The following PTPRG variants were observed in gnomAD, a reference collection of about 807,000 sequenced individuals.
PTPRG encodes the protein receptor-type tyrosine-protein phosphatase gamma.
In PTPRG, 102 loss-of-function variants were observed where a neutral mutation model predicts 165.3. The ratio of observed to expected loss-of-function variants is 0.62; its 90% CI spans 0.53 to 0.73. The LOEUF (loss-of-function observed/expected upper bound fraction) is 0.73. Ranked by LOEUF, PTPRG falls within the 30% of genes least tolerant of loss-of-function variation. PTPRG has a pLI of 0.00. For synonymous variants in PTPRG, 675 were observed against 669.5 expected (o/e 1.01, Z -0.13); for missense variants, 1,866 against 1,861.4 (o/e 1.00, Z -0.05).
At chr3:61,946,501 C>T (rs1575812732) in intron 2 of PTPRG, among the ~76,000 whole-genome samples, 1 of 152,130 alleles carries the variant, frequency 6.6e-6, no homozygotes, top group African/African-American at 2.4e-5. Flanking sequence ...CTTCTGTGGG[C>T]CTGTTTGATA....
chr3:62,032,748 A>C (rs1005936943), intron 4 of PTPRG, among the ~76,000 whole-genome samples: 1 of 152,154 alleles, frequency 6.6e-6, no homozygotes, highest in South Asian at 2.1e-4. Flanking sequence ...GTAGCTTTGG[A>C]TCTAAATATA....
chr3:61,627,225 T>C (rs922782672), intron 1 of PTPRG, among the ~76,000 whole-genome samples: 1 of 152,164 alleles, frequency 6.6e-6, no homozygotes, highest in Non-Finnish European at 1.5e-5. Context: ...AGAGTCCGTA[T>C]CTTTTAGTGA....
intron 1 of PTPRG, among the ~76,000 whole-genome samples, chr3:61,630,377 AC>A (rs1701741199): frequency 6.6e-6 from 1 of 152,244 alleles, no homozygotes; most frequent in Non-Finnish European, 1.5e-5. Flanking sequence ...TATGGAAGTT[AC>A]ATAGAAATAA....
intron 3 of PTPRG, among the ~76,000 whole-genome samples, chr3:61,991,967 G>C (rs534331032): frequency 6.6e-6 from 1 of 152,274 alleles, no homozygotes; most frequent in African/African-American, 2.4e-5. Flanking sequence ...GCTTCCTAGA[G>C]TGATCCACAA....
chr3:61,903,076 T>C (rs961114606), intron 2 of PTPRG, among the ~76,000 whole-genome samples: 3 of 152,140 alleles, frequency 2.0e-5, no homozygotes, highest in African/African-American at 7.2e-5. Flanking sequence ...CTGTGTACCT[T>C]ACACTCTGTC....
intron 1 of PTPRG, among the ~76,000 whole-genome samples, chr3:61,568,565 A>C (rs1456158930): frequency 6.6e-6 from 1 of 152,230 alleles, no homozygotes; most frequent in Admixed American, 6.5e-5. Context: ...TGCTGGATCT[A>C]TGCAGGCCTA....
chr3:62,233,230 C>A lies in PTPRG; in HGVS notation c.2375+1919C>A, dbSNP rs536990640. Among the ~76,000 whole-genome samples, 89 of 152,268 alleles carry A rather than the reference C, an allele frequency of 5.8e-4. No individual in the cohort carries two copies. The highest frequency in any genetic ancestry group is 1.9e-3 in the African/African-American group (80 of 41,544). Reference sequence around the variant, plus strand: ...ACAGCTACATGTGCTATGCTAAGTACTCCATGAAAACGATATGGGCCAGAT... The same window carrying A: ...ACAGCTACATGTGCTATGCTAAGTAATCCATGAAAACGATATGGGCCAGAT... On this transcript the variant is annotated intron_variant, in intron 14 of 29. Coordinates refer to ENST00000474889, the MANE Select transcript of PTPRG (RefSeq NM_002841.4). The surrounding 1 kb of genome is among the most constrained non-coding windows in gnomAD (Gnocchi z 4.7).
chr3:61,579,389 T>C (rs2106792467), intron 1 of PTPRG, among the ~76,000 whole-genome samples: 2 of 152,326 alleles, frequency 1.3e-5, no homozygotes, highest in South Asian at 4.1e-4. Flanking sequence ...GAGGGCATCC[T>C]GAAATTCTGC....
rs144309631 is a variant in PTPRG, at chr3:61,907,702, T to A, written c.191-81923T>A. ...ACGATTGGCCTGGAAGAATTCTTGG[T>A]TGCTTTGATCTTATCTGAAATCGGA... On this transcript the variant is annotated intron_variant, in intron 2 of 29. Transcript: ENST00000474889. Among the ~76,000 whole-genome samples the A allele has an allele frequency of 1.1e-4, 16 of 152,300 alleles. 1 individual carries two copies. In the East Asian group the frequency reaches 3.1e-3, roughly 29 times the overall value.
intron 7 of PTPRG, among the ~76,000 whole-genome samples, chr3:62,158,430 A>G (rs1391217990): frequency 2.6e-5 from 4 of 152,198 alleles, no homozygotes; most frequent in African/African-American, 9.6e-5. Flanking sequence ...TTTCATAGAA[A>G]TGACCACCTC....
chr3:61,957,582 CA>C (rs932681341), intron 2 of PTPRG, among the ~76,000 whole-genome samples: 6 of 152,180 alleles, frequency 3.9e-5, no homozygotes, highest in Admixed American at 3.9e-4. Flanking sequence ...ACCACGGGAA[CA>C]ATTAGGTGAT....
intron 2 of PTPRG, among the ~76,000 whole-genome samples, chr3:61,836,183 G>GT (rs2036456269): frequency 6.6e-6 from 1 of 151,842 alleles, no homozygotes; most frequent in South Asian, 2.1e-4. Context: ...GGAATCACTG[G>GT]TAAGTCTTTA....
chr3:62,154,018 C>G (rs983947529), intron 6 of PTPRG, among the ~76,000 whole-genome samples: 2 of 152,178 alleles, frequency 1.3e-5, no homozygotes, highest in African/African-American at 4.8e-5. Context: ...TGTTTTTGAC[C>G]TTAGGTCTTT....
At chr3:61,838,102 A>G (rs1386130550) in intron 2 of PTPRG, among the ~76,000 whole-genome samples, 1 of 152,196 alleles carries the variant, frequency 6.6e-6, no homozygotes, top group Non-Finnish European at 1.5e-5. Flanking sequence ...CAACACCGGG[A>G]TGGTTAAACA....
intron 1 of PTPRG, among the ~76,000 whole-genome samples, chr3:61,567,723 C>T (rs549593963): frequency 1.3e-5 from 2 of 150,070 alleles, no homozygotes; most frequent in Non-Finnish European, 3.0e-5. Context: ...TGGCTCATGC[C>T]TGTCATCTCA....
chr3:61,712,372 T>A (rs551845789), intron 1 of PTPRG, among the ~76,000 whole-genome samples: 11 of 152,244 alleles, frequency 7.2e-5, no homozygotes, highest in African/African-American at 2.6e-4. Context: ...AATTGGCAAG[T>A]TCCTAAACAT....
At chr3:62,226,475 T>C (rs1700766470) in intron 13 of PTPRG, among the ~76,000 whole-genome samples, 1 of 152,212 alleles carries the variant, frequency 6.6e-6, no homozygotes. Context: ...TCTCCATTAT[T>C]TGAGAAGATT....
chr3:62,002,637 A>G (rs951839041), intron 3 of PTPRG, among the ~76,000 whole-genome samples: 2 of 152,182 alleles, frequency 1.3e-5, no homozygotes, highest in South Asian at 4.1e-4. Context: ...GAGGTTCCCT[A>G]TGTTGCGGAT....
At chr3:61,653,895 G>GCC (rs1553644916) in intron 1 of PTPRG, among the ~76,000 whole-genome samples, 8 of 71,180 alleles carry the variant, frequency 1.1e-4, no homozygotes. Context: ...TAAGCGGGGA[G>GCC]CGGTGGGGGG....
Sources: gnomAD v4.1 joint callset for allele counts (sites outside exome capture counted in the v4.1 genomes callset) on GRCh38, gnomAD v4.1.1 for gene constraint, Gnocchi (gnomAD v3.1) non-coding constraint, MANE v1.5 for transcripts, NCBI Gene and HGNC (gene_info 2026-07-23, HGNC 2026-07-21) for gene names.